PARN: variants seen among roughly 807,000 people sequenced by gnomAD.
The protein encoded by PARN is poly(A)-specific ribonuclease PARN.
Under a neutral mutation model 102.8 loss-of-function variants are expected in PARN, and 71 were observed. That is an observed-to-expected ratio of 0.69 (90% CI 0.57 to 0.84). The LOEUF (loss-of-function observed/expected upper bound fraction) is 0.84. Among genes scored for constraint, PARN ranks in the 40% least tolerant of loss-of-function variants. The pLI, the probability that PARN is intolerant of heterozygous loss-of-function variation, is 0.00. For missense variants in PARN, 782 were observed against 760.9 expected (o/e 1.03, Z -0.33); for synonymous variants, 261 against 252.9 (o/e 1.03, Z -0.30).
At chr16:14,610,452 A>G (rs931972194) in intron 7 of PARN, among the ~76,000 whole-genome samples, 192 bp downstream of exon 7, 1 of 151,808 alleles carries the variant, frequency 6.6e-6, no homozygotes, top group African/African-American at 2.4e-5. Flanking sequence ...CAGCCTGGGC[A>G]AAAGAGCAAG....
chr16:14,473,679 A>C (rs1209139371), intron 22 of PARN, among the ~76,000 whole-genome samples: 1 of 152,124 alleles, frequency 6.6e-6, no homozygotes, highest in East Asian at 1.9e-4. Flanking sequence ...AAGAGTCAAC[A>C]CAGAGCTTCC....
At chr16:14,503,134 C>T (rs1185061576) in intron 21 of PARN, among the ~76,000 whole-genome samples, 2 of 152,092 alleles carry the variant, frequency 1.3e-5, no homozygotes, top group African/African-American at 2.4e-5. Flanking sequence ...GAAGAACCTC[C>T]CCCCACAGAG....
rs953452678 is a variant in PARN, at chr16:14,578,266, T to C, written c.1262+2608A>G. Reference sequence around the variant, plus strand: ...ATCACTTGAACCTAGGAGGTGGAGGTTGCAGTGAGCTGAGATCACGCCACT... The same window carrying C: ...ATCACTTGAACCTAGGAGGTGGAGGCTGCAGTGAGCTGAGATCACGCCACT... On this transcript the variant is annotated intron_variant, in intron 18 of 23. Transcript: ENST00000437198. Among the ~76,000 whole-genome samples the C allele has an allele frequency of 2.2e-5, 3 of 134,974 alleles. No homozygotes were observed. The Admixed American group carries it at 2.4e-4, about 11-fold the overall frequency. 88.5% of individuals were successfully genotyped at this position (134,974 alleles called of 152,430 possible).
intron 21 of PARN, among the ~76,000 whole-genome samples, chr16:14,547,707 C>T (rs1596636803): frequency 6.6e-6 from 1 of 151,512 alleles, no homozygotes; most frequent in African/African-American, 2.4e-5. Context: ...GAAACCCAGT[C>T]TCCCAAAAAA....
rs557726410 is a variant in PARN, at chr16:14,470,379, A to G, written c.1670+12259T>C. On this transcript the variant is annotated intron_variant, in intron 22 of 23. Coordinates refer to ENST00000437198, the MANE Select transcript of PARN (RefSeq NM_002582.4). ...AGCTAAGTCATTGCTAAAATCTCCT[A>G]AACTTTAATGAAATAATTACAAATT... Among the ~76,000 whole-genome samples, 7 of 151,788 alleles carry G rather than the reference A, an allele frequency of 4.6e-5. No homozygotes were observed. The South Asian group carries it at 8.3e-4, about 18-fold the overall frequency.
At chr16:14,543,273 T>G (rs1010661377) in intron 21 of PARN, among the ~76,000 whole-genome samples, 1 of 152,076 alleles carries the variant, frequency 6.6e-6, no homozygotes, top group African/African-American at 2.4e-5. Flanking sequence ...AAGAAAAAAT[T>G]AGAGAATCAG....
intron 6 of PARN, among the ~76,000 whole-genome samples, chr16:14,616,825 C>T (rs1405308795): frequency 6.6e-6 from 1 of 152,046 alleles, no homozygotes; most frequent in East Asian, 1.9e-4. Flanking sequence ...TAAACATGCA[C>T]TAGCTGGAAA....
chr16:14,510,442 A>C (rs1396854470), intron 21 of PARN, among the ~76,000 whole-genome samples: 1 of 152,200 alleles, frequency 6.6e-6, no homozygotes, highest in East Asian at 1.9e-4. Flanking sequence ...GAAGCTATAA[A>C]CTTAGGAATA....
chr16:14,500,059 T>C (rs1964505704), intron 21 of PARN, among the ~76,000 whole-genome samples: 1 of 152,178 alleles, frequency 6.6e-6, no homozygotes, highest in African/African-American at 2.4e-5. Flanking sequence ...AATGCTTTTT[T>C]TCATTCTTTG....
chr16:14,592,121 A>C (rs1187152376), intron 13 of PARN: 1 of 152,254 alleles, frequency 6.6e-6, no homozygotes, highest in Non-Finnish European at 1.5e-5. Flanking sequence ...CTGGAGACAG[A>C]GCAAGAGTCA....
intron 6 of PARN, among the ~76,000 whole-genome samples, chr16:14,617,332 C>T (rs1344647816): frequency 2.1e-5 from 3 of 144,960 alleles, no homozygotes; most frequent in Non-Finnish European, 3.0e-5. Flanking sequence ...TGCAGTGAGC[C>T]GAGATCACAC....
At chr16:14,463,844 G>A (rs536970952) in intron 22 of PARN, among the ~76,000 whole-genome samples, 1 of 142,628 alleles carries the variant, frequency 7.0e-6, no homozygotes, top group East Asian at 2.0e-4. Flanking sequence ...TTTTTGGGGG[G>A]GGGGGGACGA....
intron 21 of PARN, among the ~76,000 whole-genome samples, chr16:14,530,904 C>T (rs1966286101): frequency 1.3e-5 from 2 of 152,320 alleles, no homozygotes; most frequent in African/African-American, 4.8e-5. Context: ...GACAGACTGA[C>T]ATTGCCTCTT....
chr16:14,470,455 T>TATC, intron 22 of PARN, among the ~76,000 whole-genome samples: 1 of 141,076 alleles, frequency 7.1e-6, no homozygotes, highest in Middle Eastern at 3.3e-3. Context: ...TTATTATTAT[T>TATC]ATTATTATTA....
chr16:14,484,801 A>T (rs1245565431), intron 21 of PARN, among the ~76,000 whole-genome samples: 1 of 152,230 alleles, frequency 6.6e-6, no homozygotes, highest in Non-Finnish European at 1.5e-5. Flanking sequence ...TAGTCATCTA[A>T]AAAACAGAAC....
intron 12 of PARN, among the ~76,000 whole-genome samples, chr16:14,599,242 C>T (rs1970732983): frequency 6.6e-6 from 1 of 151,938 alleles, no homozygotes; most frequent in Non-Finnish European, 1.5e-5. Flanking sequence ...GGGGTTTCCC[C>T]ATATTTCCCA....
At chr16:14,512,197 A>C (rs1965222670) in intron 21 of PARN, among the ~76,000 whole-genome samples, 1 of 152,200 alleles carries the variant, frequency 6.6e-6, no homozygotes, top group African/African-American at 2.4e-5. Context: ...GACTGTGCTA[A>C]GTGTTGTATT....
At chr16:14,545,227 C>T (rs918285320) in intron 21 of PARN, among the ~76,000 whole-genome samples, 5 of 152,072 alleles carry the variant, frequency 3.3e-5, no homozygotes, top group African/African-American at 4.8e-5. Flanking sequence ...ATAAGACTAA[C>T]CAATATTGAT....
intron 5 of PARN, among the ~76,000 whole-genome samples, chr16:14,618,545 C>T: frequency 6.7e-6 from 1 of 150,238 alleles, no homozygotes; most frequent in Non-Finnish European, 1.5e-5. Flanking sequence ...CCTGCAATCC[C>T]AGTTACTCAG....
Sources: allele counts gnomAD v4.1 joint callset (sites outside exome capture counted in the v4.1 genomes callset), GRCh38; gene constraint gnomAD v4.1.1; transcripts MANE v1.5; gene names NCBI Gene and HGNC (gene_info 2026-07-23, HGNC 2026-07-21).